The following ZNF438 variants were observed in gnomAD, a reference collection of about 807,000 sequenced individuals.
ZNF438 encodes zinc finger protein 438.
ZNF438 carries 25 observed loss-of-function variants against 38.0 expected under a neutral mutation model. The observed-to-expected ratio is 0.66, with a 90% CI of 0.48 to 0.92. The LOEUF (loss-of-function observed/expected upper bound fraction) is 0.92, where lower values mean the gene tolerates loss of function less well. Among genes scored for constraint, ZNF438 ranks in the 40% least tolerant of loss-of-function variants. The pLI is 0.00. For synonymous variants in ZNF438, 372 were observed against 364.1 expected (o/e 1.02, Z -0.25); for missense variants, 1,007 against 999.6 (o/e 1.01, Z -0.10).
At chr10:31,003,197 G>A (rs765141859) in intron 1 of ZNF438, among the ~76,000 whole-genome samples, 2 of 151,980 alleles carry the variant, frequency 1.3e-5, no homozygotes, top group Admixed American at 6.6e-5. Flanking sequence ...CCCAAATGCC[G>A]ATAGCCACCT....
At chr10:31,013,127 G>A (rs535062460) in intron 1 of ZNF438, among the ~76,000 whole-genome samples, 4 of 152,206 alleles carry the variant, frequency 2.6e-5, no homozygotes, top group East Asian at 1.9e-4. Context: ...AGACCATCCC[G>A]GCTAAAACGG....
At chr10:30,865,648 A>G (rs1395737387) in intron 4 of ZNF438, among the ~76,000 whole-genome samples, 2 of 152,240 alleles carry the variant, frequency 1.3e-5, no homozygotes, top group Non-Finnish European at 2.9e-5. Flanking sequence ...ACTTGATAAT[A>G]TATCAGTGCT....
intron 2 of ZNF438, among the ~76,000 whole-genome samples, chr10:30,922,482 G>C (rs993432325): frequency 2.0e-5 from 3 of 152,210 alleles, no homozygotes; most frequent in Non-Finnish European, 4.4e-5. Flanking sequence ...TAAATTGAGT[G>C]ATCTACATTT....
At chr10:30,921,037 A>G (rs1049292786) in intron 2 of ZNF438, 2 of 152,214 alleles carry the variant, frequency 1.3e-5, no homozygotes, top group Non-Finnish European at 2.9e-5. Context: ...TTTTACCTAG[A>G]AAGAGGCAAA....
intron 1 of ZNF438, among the ~76,000 whole-genome samples, chr10:31,003,761 CAAGA>C (rs905385820): frequency 1.3e-5 from 2 of 152,174 alleles, no homozygotes; most frequent in Non-Finnish European, 2.9e-5. Context: ...AGTCTATGCT[CAAGA>C]AAGAGCTGAT....
rs370034075 is a variant in ZNF438 at position 30,978,256 on chromosome 10, G to A, written c.-191-36605C>T. ...AGACTAGACAGTATATTGAGAATTC[G>A]TCTACTCTCTTTCCTTATTTAGGGA... is the stretch of plus-strand genomic sequence containing the variant. On this transcript the variant is annotated intron_variant, in intron 1 of 5. Transcript: ENST00000413025. Among the ~76,000 whole-genome samples, 6 of 152,184 alleles carry A rather than the reference G, an allele frequency of 3.9e-5. No homozygotes were observed. The East Asian group carries it at 9.6e-4, about 24-fold the overall frequency.
chr10:31,017,158 A>T (rs2056259403), intron 1 of ZNF438, among the ~76,000 whole-genome samples: 1 of 152,250 alleles, frequency 6.6e-6, no homozygotes. Flanking sequence ...ACACATTTTT[A>T]TCAATGATGA....
chr10:30,916,087 A>C (rs190147574), intron 2 of ZNF438, among the ~76,000 whole-genome samples: 1 of 152,140 alleles, frequency 6.6e-6, no homozygotes, highest in Non-Finnish European at 1.5e-5. Flanking sequence ...ATACTGTACC[A>C]ATATAAATCC....
chr10:30,881,022 G>T (rs546724213), intron 3 of ZNF438, among the ~76,000 whole-genome samples: 1 of 152,206 alleles, frequency 6.6e-6, no homozygotes, highest in South Asian at 2.1e-4. Context: ...GAAACCTAAA[G>T]CTAAAATCAT....
chr10:30,943,795 G>C (rs543389730), intron 1 of ZNF438, among the ~76,000 whole-genome samples: 2 of 152,110 alleles, frequency 1.3e-5, no homozygotes, highest in Non-Finnish European at 2.9e-5. Flanking sequence ...GGTGAGCAAA[G>C]GTACACATCA....
intron 1 of ZNF438, among the ~76,000 whole-genome samples, chr10:31,030,549 A>G (rs1394818474): frequency 1.3e-5 from 2 of 152,228 alleles, no homozygotes; most frequent in Non-Finnish European, 2.9e-5. Context: ...CTCATTTTAG[A>G]TAAGAAAAAC....
intron 2 of ZNF438, among the ~76,000 whole-genome samples, chr10:30,924,621 A>G (rs189495696): frequency 6.6e-6 from 1 of 152,368 alleles, no homozygotes; most frequent in African/African-American, 2.4e-5. Flanking sequence ...TTCAATATTG[A>G]TAACATTTAC....
chr10:30,971,571 A>G (rs1309561330), intron 1 of ZNF438, among the ~76,000 whole-genome samples: 6 of 152,182 alleles, frequency 3.9e-5, no homozygotes, highest in Non-Finnish European at 1.5e-5. Flanking sequence ...CTCTGTAAAT[A>G]ATTTTATTTT....
chr10:31,008,627 G>C (rs767999858), intron 1 of ZNF438, among the ~76,000 whole-genome samples: 6 of 152,118 alleles, frequency 3.9e-5, no homozygotes, highest in East Asian at 1.9e-4. Flanking sequence ...TTTTAATGCT[G>C]AATAATATTC....
intron 1 of ZNF438, among the ~76,000 whole-genome samples, chr10:31,006,390 A>G (rs943066250): frequency 1.3e-5 from 2 of 152,084 alleles, no homozygotes; most frequent in African/African-American, 2.4e-5. Flanking sequence ...CAGGGTTTGG[A>G]GAGCTTTCAA....
At chr10:30,921,803 A>T (rs1314887913) in intron 2 of ZNF438, among the ~76,000 whole-genome samples, 1 of 152,160 alleles carries the variant, frequency 6.6e-6, no homozygotes, top group East Asian at 1.9e-4. Flanking sequence ...TTTTAAGGCA[A>T]TCTATTTCCA....
chr10:30,874,024 C>A (rs1029046782), intron 4 of ZNF438, among the ~76,000 whole-genome samples: 1 of 150,772 alleles, frequency 6.6e-6, no homozygotes, highest in Non-Finnish European at 1.5e-5. Context: ...ATGTGCCCAG[C>A]AAACTTCTCA....
chr10:30,933,569 GAT>G (rs1421048159), intron 2 of ZNF438, among the ~76,000 whole-genome samples: 3 of 152,142 alleles, frequency 2.0e-5, no homozygotes, highest in Non-Finnish European at 4.4e-5. Context: ...TGTGAGTTAT[GAT>G]AAGGCCACTG....
At chr10:30,889,309 C>T (rs2029741) in intron 3 of ZNF438, among the ~76,000 whole-genome samples, 118,747 of 152,130 alleles carry the variant, frequency 0.78, 47,119 homozygotes, top group African/African-American at 0.89. Context: ...TATATTGATA[C>T]TTGCATTAAT....
Sources: allele counts gnomAD v4.1 joint callset (sites outside exome capture counted in the v4.1 genomes callset), GRCh38; gene constraint gnomAD v4.1.1; transcripts MANE v1.5; gene names NCBI Gene and HGNC (gene_info 2026-07-23, HGNC 2026-07-21).